KIAA1958: variants seen among roughly 807,000 people sequenced by gnomAD.
The protein encoded by KIAA1958 is uncharacterized protein KIAA1958.
A neutral mutation model predicts 47.2 loss-of-function variants in KIAA1958; 14 were observed. That is an observed-to-expected ratio of 0.30 (90% CI 0.20 to 0.46). The LOEUF (loss-of-function observed/expected upper bound fraction) is 0.46. KIAA1958 is among the 20% of genes least tolerant of loss of function. The pLI is 1.00. For missense variants in KIAA1958, 803 were observed against 909.2 expected (o/e 0.88, Z 1.50); for synonymous variants, 354 against 353.3 (o/e 1.00, Z -0.02).
In KIAA1958 at chr9:112,652,615, TTTTTTG is replaced by T. The variant is rs572265512; in HGVS notation, c.1345-6634_1345-6629del. On this transcript the variant is annotated intron_variant, in intron 3 of 3. Transcript: ENST00000337530. ...TAATTCGTTGGTTTAACCCATTGTT[TTTTTTG>T]TTTTTGTTTTTGTCTTTTGAGACGG... Among the ~76,000 whole-genome samples the T allele has an allele frequency of 2.0e-5, 3 of 152,294 alleles. No homozygotes were observed. In the South Asian group the frequency reaches 6.2e-4, roughly 32 times the overall value.
chr9:112,541,766 A>G (rs773604228), intron 1 of KIAA1958, among the ~76,000 whole-genome samples: 9 of 152,198 alleles, frequency 5.9e-5, no homozygotes, highest in South Asian at 2.1e-4. Context: ...AATTGCACCA[A>G]TGCATTCCAT....
At chr9:112,587,201 G>A (rs771922016) in intron 2 of KIAA1958, among the ~76,000 whole-genome samples, 1 of 152,112 alleles carries the variant, frequency 6.6e-6, no homozygotes, top group African/African-American at 2.4e-5. Flanking sequence ...CCAGACTGGA[G>A]TGCAGTGGCG....
chr9:112,658,817 G>A lies in KIAA1958; in HGVS notation c.1345-446G>A, dbSNP rs144040338. ...TACAAAAAATACAAAAAATTAGATC[G>A]AGACCATCCTGGCTAACACTGTGAA... On this transcript the variant is annotated intron_variant, in intron 3 of 3. Coordinates refer to ENST00000337530, the MANE Select transcript of KIAA1958 (RefSeq NM_133465.4). Among the ~76,000 whole-genome samples the A allele has an allele frequency of 4.8e-3, 726 of 151,488 alleles. 5 individuals carry two copies. Among genetic ancestry groups the A allele is most frequent in the African/African-American group, 0.017 (686 of 41,182 alleles).
intron 1 of KIAA1958, among the ~76,000 whole-genome samples, chr9:112,504,447 C>T (rs1834200304): frequency 6.6e-6 from 1 of 152,184 alleles, no homozygotes; most frequent in African/African-American, 2.4e-5. Flanking sequence ...CCTCGGCCTC[C>T]CGAAGTGCTG....
At chr9:112,501,529 G>A (rs1009104493) in intron 1 of KIAA1958, among the ~76,000 whole-genome samples, 7 of 152,162 alleles carry the variant, frequency 4.6e-5, no homozygotes, top group Admixed American at 1.3e-4. Context: ...AGAATAACAA[G>A]GAAGGCCTCT....
intron 3 of KIAA1958, among the ~76,000 whole-genome samples, chr9:112,653,282 C>T (rs527672662): frequency 1.3e-5 from 2 of 152,128 alleles, no homozygotes; most frequent in East Asian, 1.9e-4. Flanking sequence ...GCAAGAAGTT[C>T]GATGAAGCTG....
Position 112,664,266 on chromosome 9 carries a change from C to T in KIAA1958, c.*4197C>T, listed in dbSNP as rs1837322584. On this transcript the variant is annotated 3_prime_UTR_variant, in exon 4 of 4. Transcript: ENST00000337530. The stretch of plus-strand genomic sequence containing the variant: ...AACTTCTAAAATTATTTTGCTATCT[C>T]GAAGCAGCAGAATATTGATCATTTT... 6.6e-6 allele frequency: 1 copy of T among 152,202 alleles called. No homozygotes were observed. The highest frequency in any genetic ancestry group is 1.5e-5 in the Non-Finnish European group (1 of 68,038). 9.4% of individuals were successfully genotyped at this position (152,202 alleles called of 1,614,324 possible).
At chr9:112,625,670 C>G (rs533092572) in intron 2 of KIAA1958, among the ~76,000 whole-genome samples, 1 of 152,214 alleles carries the variant, frequency 6.6e-6, no homozygotes, top group East Asian at 1.9e-4. Flanking sequence ...TTTTAAAACC[C>G]ACAAATTTCT....
At chr9:112,592,618 A>G (rs550071177) in intron 2 of KIAA1958, among the ~76,000 whole-genome samples, 3 of 152,346 alleles carry the variant, frequency 2.0e-5, no homozygotes, top group South Asian at 4.1e-4. Flanking sequence ...TGCTGCTACC[A>G]TAAGTTGGAA....
intron 2 of KIAA1958, among the ~76,000 whole-genome samples, chr9:112,645,210 A>G (rs576578956): frequency 1.3e-5 from 2 of 151,856 alleles, no homozygotes; most frequent in Admixed American, 6.6e-5. Context: ...TTGAAAATGT[A>G]AATTACAAAT....
Position 112,542,592 on chromosome 9 carries a change from C to T in KIAA1958, c.-24-31465C>T, listed in dbSNP as rs181174991. On this transcript the variant is annotated intron_variant, in intron 1 of 3. Coordinates refer to ENST00000337530, the MANE Select transcript of KIAA1958 (RefSeq NM_133465.4). Reference sequence around the variant, plus strand: ...TCTACTAAAATTTCACTGAAATCTTCGAAAAGTGAAAAAGTATAAATTTGG... The same window carrying T: ...TCTACTAAAATTTCACTGAAATCTTTGAAAAGTGAAAAAGTATAAATTTGG... Among the ~76,000 whole-genome samples, 264 of 152,206 alleles carry T rather than the reference C, an allele frequency of 1.7e-3. 3 individuals are homozygous for T. Among genetic ancestry groups the T allele is most frequent in the African/African-American group, 6.3e-3 (260 of 41,534 alleles).
At chr9:112,655,583 T>G (rs1338687211) in intron 3 of KIAA1958, among the ~76,000 whole-genome samples, 3 of 152,204 alleles carry the variant, frequency 2.0e-5, no homozygotes, top group African/African-American at 7.2e-5. Context: ...AAAGGTGAGA[T>G]GCAGTGAAAG....
At chr9:112,610,700 C>T (rs144468877) in intron 2 of KIAA1958, among the ~76,000 whole-genome samples, 3 of 152,256 alleles carry the variant, frequency 2.0e-5, no homozygotes, top group African/African-American at 7.2e-5. Context: ...CTAGATGGTT[C>T]CACACGTGAA....
intron 2 of KIAA1958, among the ~76,000 whole-genome samples, chr9:112,584,306 G>A (rs1239935704): frequency 6.6e-6 from 1 of 152,270 alleles, no homozygotes; most frequent in African/African-American, 2.4e-5. Context: ...AGATTAAGTT[G>A]AGCTATACAA....
chr9:112,545,541 A>C (rs1185583716), intron 1 of KIAA1958, among the ~76,000 whole-genome samples: 1 of 152,132 alleles, frequency 6.6e-6, no homozygotes, highest in Admixed American at 6.5e-5. Flanking sequence ...AAATGATCAT[A>C]TTTTACTTGA....
In KIAA1958 at chr9:112,624,685, T is replaced by A. The variant is rs188288951; in HGVS notation, c.1172-20965T>A. ...AAAGCTGAGCAAAAGCTTGAAAAAT[T>A]TTTTTTAATGGCATTTTAATACACT... is the stretch of plus-strand genomic sequence containing the variant. On this transcript the variant is annotated intron_variant, in intron 2 of 3. Coordinates refer to ENST00000337530, the MANE Select transcript of KIAA1958 (RefSeq NM_133465.4). 1.9e-3 allele frequency among the ~76,000 whole-genome samples: 291 copies of A among 152,218 alleles called. 2 individuals carry two copies. The East Asian group carries it at 0.027, about 14-fold the overall frequency.
Position 112,618,514 on chromosome 9 carries a change from G to T in KIAA1958, c.1172-27136G>T, listed in dbSNP as rs1836444165. 1 of 1,550,740 alleles carries T rather than the reference G, an allele frequency of 6.4e-7. No homozygotes were observed. Among genetic ancestry groups the T allele is most frequent in the East Asian group, 2.4e-5 (1 of 40,912 alleles). On this transcript the variant is annotated intron_variant, in intron 2 of 3. Coordinates refer to ENST00000337530, the MANE Select transcript of KIAA1958 (RefSeq NM_133465.4). The surrounding 1 kb of genome is among the most constrained non-coding windows in gnomAD (Gnocchi z 7.1). The stretch of plus-strand genomic sequence containing the variant: ...AGAGAGGGGGGACAGACTCCCGTGT[G>T]TATGCCACCCAGCACGCCCCACAGA...
At chr9:112,507,696 C>A (rs1834254467) in intron 1 of KIAA1958, among the ~76,000 whole-genome samples, 1 of 152,094 alleles carries the variant, frequency 6.6e-6, no homozygotes, top group Admixed American at 6.5e-5. Context: ...TGTGTGACAT[C>A]AATCAAACAT....
chr9:112,568,929 G>C (rs1471832129), intron 1 of KIAA1958, among the ~76,000 whole-genome samples: 4 of 17,352 alleles, frequency 2.3e-4, no homozygotes, highest in African/African-American at 3.9e-4. Flanking sequence ...TTTAAGAATA[G>C]GAAAACTAAA....
Sources: allele counts gnomAD v4.1 joint callset (sites outside exome capture counted in the v4.1 genomes callset), GRCh38; gene constraint gnomAD v4.1.1; non-coding constraint Gnocchi (gnomAD v3.1); transcripts MANE v1.5; gene names NCBI Gene and HGNC (gene_info 2026-07-23, HGNC 2026-07-21).